TACR3: variants seen among roughly 807,000 people sequenced by gnomAD.
TACR3 encodes the protein neuromedin-K receptor.
Under a neutral mutation model 35.0 loss-of-function variants are expected in TACR3, and 34 were observed. That is an observed-to-expected ratio of 0.97 (90% CI 0.74 to 1.30). TACR3 has a LOEUF of 1.30. Ranked by LOEUF, TACR3 falls within the 50% of genes most tolerant of loss-of-function variation. TACR3 has a pLI of 0.00. For missense variants in TACR3, 558 were observed against 591.7 expected, an observed-to-expected ratio of 0.94 and a Z score of 0.59; for synonymous variants, 233 against 221.1, an observed-to-expected ratio of 1.05 and a Z score of -0.48.
At chr4:103,643,429 AAGAG>A (rs138415563) in intron 3 of TACR3, among the ~76,000 whole-genome samples, 13,942 of 148,674 alleles carry the variant, frequency 0.094, 1,940 homozygotes, top group African/African-American at 0.3. Flanking sequence ...GTCTAAAAAA[AAGAG>A]AGAGAGAGAG....
chr4:103,654,444 G>A (rs1725687359), intron 3 of TACR3, among the ~76,000 whole-genome samples: 1 of 149,056 alleles, frequency 6.7e-6, no homozygotes, highest in African/African-American at 2.5e-5. Flanking sequence ...ACTATTGCAA[G>A]GACAAAAATC....
chr4:103,697,448 G>A (rs374331350), intron 1 of TACR3, among the ~76,000 whole-genome samples: 12 of 144,896 alleles, frequency 8.3e-5, no homozygotes, highest in African/African-American at 1.3e-4. Flanking sequence ...ATTTTGAGAC[G>A]GAGTCTCCTT....
At chr4:103,612,491 A>G (rs780208928) in intron 3 of TACR3, among the ~76,000 whole-genome samples, 12 of 149,530 alleles carry the variant, frequency 8.0e-5, no homozygotes, top group Non-Finnish European at 1.5e-4. Context: ...TTAAATGCAA[A>G]TCCCATGAAG....
At chr4:103,715,373 G>A (rs997120699) in intron 1 of TACR3, among the ~76,000 whole-genome samples, 1 of 152,016 alleles carries the variant, frequency 6.6e-6, no homozygotes, top group Non-Finnish European at 1.5e-5. Context: ...TCTCACTCTT[G>A]GTCCTGTTCC....
chr4:103,651,328 G>A (rs927209634), intron 3 of TACR3, among the ~76,000 whole-genome samples: 15 of 150,992 alleles, frequency 9.9e-5, no homozygotes, highest in African/African-American at 2.7e-4. Flanking sequence ...CCCCTCTTCC[G>A]TCTTCATTTC....
chr4:103,714,134 C>T (rs1280476654), intron 1 of TACR3, among the ~76,000 whole-genome samples: 2 of 151,910 alleles, frequency 1.3e-5, no homozygotes, highest in Non-Finnish European at 2.9e-5. Context: ...GTTCTTTTTA[C>T]ACTGGGGATA....
chr4:103,677,569 G>A (rs916599272), intron 1 of TACR3, among the ~76,000 whole-genome samples: 17 of 152,146 alleles, frequency 1.1e-4, no homozygotes, highest in African/African-American at 4.1e-4. Flanking sequence ...CATAAATTGA[G>A]TTGGAGGCTA....
intron 1 of TACR3, among the ~76,000 whole-genome samples, chr4:103,708,607 C>A (rs1169431796): frequency 1.3e-5 from 2 of 152,212 alleles, no homozygotes; most frequent in Admixed American, 6.5e-5. Context: ...ACCTCTCCCC[C>A]TCCAAAGGAA....
rs1376164578 is a variant in TACR3, at chr4:103,719,111, G to T, written c.548+17C>A. 6.2e-7 allele frequency: 1 copy of T among 1,613,852 alleles called. No homozygotes were observed. The highest frequency in any genetic ancestry group is 8.5e-7 in the Non-Finnish European group (1 of 1,179,942). On this transcript the variant is annotated intron_variant, in intron 1 of 4. Coordinates refer to ENST00000304883, the MANE Select transcript of TACR3 (RefSeq NM_001059.3). ...TTTCCCTTCTCCCTCTTTCCTCTCTGTCTGTCCTCTCCTCACCTGTCCACC... is the reference window on the plus strand; with the variant it reads ...TTTCCCTTCTCCCTCTTTCCTCTCTTTCTGTCCTCTCCTCACCTGTCCACC...
At position 103,690,359 on chromosome 4, in the gene TACR3, TG is replaced by T. The variant is rs1033503802; in HGVS notation, c.548+28768del. Among the ~76,000 whole-genome samples the T allele has an allele frequency of 3.8e-4, 58 of 152,004 alleles. 1 individual carries two copies. Among genetic ancestry groups the T allele is most frequent in the Non-Finnish European group, 1.5e-4 (10 of 67,958 alleles). On this transcript the variant is annotated intron_variant, in intron 1 of 4. Coordinates refer to ENST00000304883, the MANE Select transcript of TACR3 (RefSeq NM_001059.3). ...ATGAGTAAAAATACAAGAAATGAAG[TG>T]GCAACATTAATATTAGACAAAATAG...
At chr4:103,590,108 G>T in intron 4 of TACR3, 114 bp from the exon 5 acceptor site, 2 of 1,308,308 alleles carry the variant, frequency 1.5e-6, no homozygotes, top group Non-Finnish European at 2.1e-6. Context: ...TTTTGAGTTT[G>T]GTTTTTAGCC....
chr4:103,674,820 G>A (rs922442276), intron 1 of TACR3, among the ~76,000 whole-genome samples: 6 of 152,172 alleles, frequency 3.9e-5, no homozygotes, highest in African/African-American at 1.4e-4. Flanking sequence ...AAAGTGCTGG[G>A]ATTACAGGCG....
rs987423583 is a variant in TACR3, at chr4:103,660,787, C to T, written c.549-2384G>A. 4.6e-5 allele frequency among the ~76,000 whole-genome samples: 7 copies of T among 151,760 alleles called. No individual in the cohort carries two copies. The Middle Eastern group carries it at 0.014, about 297-fold the overall frequency. ...GTGAACTCTACAAAGAAAAATAATG[C>T]GTATGTTTCAAATAGGAGACTTTAA... is the stretch of plus-strand genomic sequence containing the variant. On this transcript the variant is annotated intron_variant, in intron 1 of 4. Coordinates refer to ENST00000304883, the MANE Select transcript of TACR3 (RefSeq NM_001059.3).
At chr4:103,658,425 C>A in intron 1 of TACR3, 22 bp from the exon 2 acceptor site, 1 of 1,606,224 alleles carries the variant, frequency 6.2e-7, no homozygotes, top group Non-Finnish European at 8.5e-7. Context: ...CAAACAAAAC[C>A]ATTTCATTGG....
chr4:103,692,100 A>G (rs1221880922), intron 1 of TACR3, among the ~76,000 whole-genome samples: 2 of 152,130 alleles, frequency 1.3e-5, no homozygotes, highest in Admixed American at 1.3e-4. Context: ...TACATCAATC[A>G]AAATAAATTT....
Position 103,589,966 on chromosome 4 carries a change from G to C in TACR3, c.1114C>G (p.Arg372Gly), listed in dbSNP as rs1383571483. The change falls in exon 5 of 5, where the codon CGC becomes GGC. Residue 372 changes from arginine (R) to glycine (G), a missense_variant. Physicochemically the swap from Arg to Gly is moderately radical, Grantham distance 125. Coordinates refer to ENST00000304883, the MANE Select transcript of TACR3 (RefSeq NM_001059.3). Reference sequence around the variant, plus strand: ...GAAACTTTGATGAAAGGACACCAGCGAAATGCTCTCTTGAAGCCAGCTCGA... The same window carrying C: ...GAAACTTTGATGAAAGGACACCAGCCAAATGCTCTCTTGAAGCCAGCTCGA... ...RFRAGFKRAF[R>G]WCPFIKVSSY... The C allele has an allele frequency of 6.2e-7, 1 of 1,613,722 alleles. No homozygotes were observed. Among genetic ancestry groups the C allele is most frequent in the Non-Finnish European group, 8.5e-7 (1 of 1,179,798 alleles).
chr4:103,710,633 A>G (rs965459464), intron 1 of TACR3, among the ~76,000 whole-genome samples: 12 of 152,192 alleles, frequency 7.9e-5, no homozygotes. Context: ...GCAAGAAAAA[A>G]CTAAGATCAG....
intron 3 of TACR3, among the ~76,000 whole-genome samples, chr4:103,623,498 A>G (rs1005823787): frequency 6.6e-6 from 1 of 152,166 alleles, no homozygotes; most frequent in Non-Finnish European, 1.5e-5. Context: ...TGCCATATAA[A>G]AATTTGATAA....
At chr4:103,688,776 T>C (rs1243261537) in intron 1 of TACR3, among the ~76,000 whole-genome samples, 2 of 151,896 alleles carry the variant, frequency 1.3e-5, no homozygotes, top group South Asian at 2.1e-4. Context: ...TGTGGAGAAA[T>C]AGGAACACTT....
Sources: allele counts gnomAD v4.1 joint callset (sites outside exome capture counted in the v4.1 genomes callset), GRCh38; gene constraint gnomAD v4.1.1; transcripts MANE v1.5; gene names NCBI Gene and HGNC (gene_info 2026-07-23, HGNC 2026-07-21).